The following CCDC171 variants were observed in gnomAD, a reference collection of about 807,000 sequenced individuals.
CCDC171 encodes coiled-coil domain containing 171.
Under a neutral mutation model 168.2 loss-of-function variants are expected in CCDC171, and 177 were observed. The ratio of observed to expected loss-of-function variants is 1.05; its 90% CI spans 0.93 to 1.19. The LOEUF (loss-of-function observed/expected upper bound fraction) is 1.19. Ranked by LOEUF, CCDC171 falls within the 50% of genes most tolerant of loss-of-function variation. The pLI is 0.00. For missense variants in CCDC171, 1,991 were observed against 1,539.0 expected, an observed-to-expected ratio of 1.29 and a Z score of -4.91; for synonymous variants, 687 against 540.8, an observed-to-expected ratio of 1.27 and a Z score of -3.75.
rs375567970 is a variant in CCDC171 at position 15,846,698 on chromosome 9, G to A, written c.3268-4G>A. ...AAGTAACTCTGTTTTCTGTCTGCTT[G>A]CAGAGTCTCTCCGAGGCAAAGATGG... On this transcript the variant is annotated splice_region_variant and splice_polypyrimidine_tract_variant and intron_variant, in intron 21 of 25. Transcript: ENST00000380701. 108 of 1,612,264 alleles carry A rather than the reference G, an allele frequency of 6.7e-5. No homozygotes were observed. The African/African-American group carries it at 1.3e-3, about 19-fold the overall frequency.
intron 11 of CCDC171, among the ~76,000 whole-genome samples, chr9:15,708,507 A>G (rs58759043): frequency 2.0e-4 from 31 of 152,292 alleles, no homozygotes; most frequent in African/African-American, 7.2e-4. Flanking sequence ...CTATCTTTCT[A>G]CTGTGTAGGT....
chr9:15,722,418 A>G (rs1450271769), intron 12 of CCDC171, among the ~76,000 whole-genome samples: 1 of 152,188 alleles, frequency 6.6e-6, no homozygotes, highest in African/African-American at 2.4e-5. Flanking sequence ...GAAAAAGCTC[A>G]TGCTTCTATT....
intron 24 of CCDC171, among the ~76,000 whole-genome samples, chr9:15,894,095 C>T (rs769495800): frequency 5.9e-5 from 9 of 152,172 alleles, no homozygotes; most frequent in South Asian, 2.1e-4. Flanking sequence ...ACTGTGCAGT[C>T]GTAAAACAGA....
intron 21 of CCDC171, among the ~76,000 whole-genome samples, chr9:15,804,278 G>A (rs2058970866): frequency 6.6e-6 from 1 of 152,090 alleles, no homozygotes; most frequent in Non-Finnish European, 1.5e-5. Flanking sequence ...TTGAATAGGA[G>A]TGGTGAGAGA....
intron 7 of CCDC171, among the ~76,000 whole-genome samples, chr9:15,641,976 C>T (rs1265312207): frequency 1.3e-5 from 2 of 152,060 alleles, no homozygotes; most frequent in African/African-American, 4.8e-5. Context: ...TCAGCCTGGC[C>T]AACATGGTGA....
intron 9 of CCDC171, among the ~76,000 whole-genome samples, chr9:15,672,466 A>C (rs1219631781): frequency 3.3e-5 from 5 of 152,064 alleles, no homozygotes; most frequent in Admixed American, 2.6e-4. Flanking sequence ...GTTTTCTTCT[A>C]GGGTTTTTAT....
At chr9:15,635,258 T>C (rs2046113315) in intron 7 of CCDC171, among the ~76,000 whole-genome samples, 1 of 152,210 alleles carries the variant, frequency 6.6e-6, no homozygotes, top group Non-Finnish European at 1.5e-5. Flanking sequence ...CTTCAGTCTG[T>C]GGTCGAAGGC....
Position 15,819,872 on chromosome 9 carries a change from A to G in CCDC171, c.3268-26830A>G, listed in dbSNP as rs554481954. Among the ~76,000 whole-genome samples the G allele has an allele frequency of 7.8e-4, 92 of 117,762 alleles. 25 individuals are homozygous for G. Among genetic ancestry groups the G allele is most frequent in the African/African-American group, 2.9e-3 (91 of 31,312 alleles). The allele number at this position is 117,762 out of a possible 152,430, so 77.3% of individuals were successfully genotyped here. Reference sequence around the variant, plus strand: ...ACATCTACAGAACTCTCCACCCCAAATCAATAGAATACACATTCTTTTCAG... The same window carrying G: ...ACATCTACAGAACTCTCCACCCCAAGTCAATAGAATACACATTCTTTTCAG... On this transcript the variant is annotated intron_variant, in intron 21 of 25. Coordinates refer to ENST00000380701, the MANE Select transcript of CCDC171 (RefSeq NM_173550.4).
intron 2 of CCDC171, 133 bp from the exon 3 acceptor site, chr9:15,571,491 T>C: frequency 3.2e-6 from 2 of 630,214 alleles, no homozygotes; most frequent in Non-Finnish European, 2.6e-6. Flanking sequence ...TTTTACTAGA[T>C]TGTGAACTCT....
chr9:16,104,922 G>A, the CCDC171 span, among the ~76,000 whole-genome samples: 1 of 152,098 alleles, frequency 6.6e-6, no homozygotes, highest in Middle Eastern at 3.2e-3. Flanking sequence ...AAGGAGAGAT[G>A]TAGGTACCAG....
In CCDC171 at chr9:15,571,779, C is replaced by T. The variant is rs781651950; in HGVS notation, c.177+20C>T. ...GCAGAGGTACGATTTATTTTCCTCT[C>T]AAATAATGTTAAAAGTTGAGTTTGA... On this transcript the variant is annotated intron_variant, in intron 3 of 25. Transcript: ENST00000380701. 6.4e-7 allele frequency: 1 copy of T among 1,557,802 alleles called. No homozygotes were observed. The highest frequency in any genetic ancestry group is 2.4e-5 in the East Asian group (1 of 42,022).
intron 11 of CCDC171, among the ~76,000 whole-genome samples, chr9:15,704,526 A>G (rs2052055567): frequency 6.6e-6 from 1 of 152,158 alleles, no homozygotes; most frequent in Non-Finnish European, 1.5e-5. Flanking sequence ...TTTCAGGAAA[A>G]GTAATCCATG....
At chr9:15,941,312 C>T (rs1054665046) in intron 25 of CCDC171, among the ~76,000 whole-genome samples, 2 of 151,932 alleles carry the variant, frequency 1.3e-5, no homozygotes, top group African/African-American at 4.8e-5. Flanking sequence ...TCGCCGGTAG[C>T]GATTCAATAC....
At chr9:15,578,796 T>G (rs2040883485) in intron 3 of CCDC171, 53 bp from the exon 4 acceptor site, 1 of 1,417,240 alleles carries the variant, frequency 7.1e-7, no homozygotes, top group South Asian at 1.3e-5. Flanking sequence ...AATGTTTGAG[T>G]GTATGATCTC....
Position 15,559,028 on chromosome 9 carries a change from C to T in CCDC171, c.-111-4950C>T, listed in dbSNP as rs201470790. Among the ~76,000 whole-genome samples the T allele has an allele frequency of 3.5e-4, 53 of 152,188 alleles. No homozygotes were observed. In the East Asian group the frequency reaches 6.6e-3, roughly 19 times the overall value. Reference sequence around the variant, plus strand: ...TCAGGAGCAGGTTGTTCAGTTTCCACGTAGTTGAGCGGTTGTGAGTGAGTT... The same window carrying T: ...TCAGGAGCAGGTTGTTCAGTTTCCATGTAGTTGAGCGGTTGTGAGTGAGTT... On this transcript the variant is annotated intron_variant, in intron 1 of 25. Coordinates refer to ENST00000380701, the MANE Select transcript of CCDC171 (RefSeq NM_173550.4).
chr9:15,904,270 CAGAG>C (rs1199228679), intron 24 of CCDC171, among the ~76,000 whole-genome samples: 1 of 152,086 alleles, frequency 6.6e-6, no homozygotes, highest in African/African-American at 2.4e-5. Context: ...TAAGGGCAGC[CAGAG>C]AGAAAGGTCG....
chr9:16,095,561 A>G, the CCDC171 span, among the ~76,000 whole-genome samples: 1 of 151,912 alleles, frequency 6.6e-6, no homozygotes, highest in East Asian at 1.9e-4. Context: ...TCTCTCGCGC[A>G]CACACATACA....
chr9:15,576,932 T>C (rs532394886), intron 3 of CCDC171, among the ~76,000 whole-genome samples: 12 of 152,346 alleles, frequency 7.9e-5, no homozygotes, highest in Admixed American at 2.6e-4. Flanking sequence ...TCATTACTAA[T>C]TCTTTCAGCA....
intron 25 of CCDC171, among the ~76,000 whole-genome samples, chr9:15,951,046 A>G (rs1420446266): frequency 6.7e-6 from 1 of 149,174 alleles, no homozygotes; most frequent in Non-Finnish European, 1.5e-5. Flanking sequence ...CATAATGGTA[A>G]AGGGATCAAT....
Sources: allele counts gnomAD v4.1 joint callset (sites outside exome capture counted in the v4.1 genomes callset), GRCh38; gene constraint gnomAD v4.1.1; transcripts MANE v1.5; gene names NCBI Gene and HGNC (gene_info 2026-07-23, HGNC 2026-07-21).